SCHIP1: variants seen among roughly 807,000 people sequenced by gnomAD.
SCHIP1 encodes the protein schwannomin interacting protein 1.
Under a neutral mutation model 29.7 loss-of-function variants are expected in SCHIP1, and 8 were observed. The ratio of observed to expected loss-of-function variants is 0.27; its 90% CI spans 0.16 to 0.49. SCHIP1 has a LOEUF of 0.49. Among genes scored for constraint, SCHIP1 ranks in the 20% least tolerant of loss-of-function variants. The pLI is 0.99. For missense variants in SCHIP1, 193 were observed against 294.6 expected, an observed-to-expected ratio of 0.66 and a Z score of 2.52; for synonymous variants, 76 against 94.9, an observed-to-expected ratio of 0.80 and a Z score of 1.16.
chr3:159,736,774 G>A, the SCHIP1 span, among the ~76,000 whole-genome samples: 2 of 148,464 alleles, frequency 1.3e-5, no homozygotes, highest in African/African-American at 2.5e-5. Context: ...TCGCTCTGTC[G>A]CCCAGGCTGA....
At chr3:159,691,816 A>G in the SCHIP1 span, among the ~76,000 whole-genome samples, 10 of 152,046 alleles carry the variant, frequency 6.6e-5, no homozygotes, top group African/African-American at 2.4e-4. Context: ...ATCCCTCAGC[A>G]TTTGCTTGTC....
the SCHIP1 span, among the ~76,000 whole-genome samples, chr3:159,563,092 G>A: frequency 4.6e-5 from 7 of 152,070 alleles, no homozygotes; most frequent in Non-Finnish European, 7.4e-5. Flanking sequence ...CAGGAGAGAG[G>A]AAAAAGAAAA....
chr3:159,730,226 A>T, the SCHIP1 span, among the ~76,000 whole-genome samples: 1 of 152,212 alleles, frequency 6.6e-6, no homozygotes, highest in Non-Finnish European at 1.5e-5. Context: ...GCAAAGAATG[A>T]TGCTAAGACT....
chr3:159,594,150 T>C, the SCHIP1 span, among the ~76,000 whole-genome samples: 21 of 152,226 alleles, frequency 1.4e-4, no homozygotes, highest in South Asian at 6.2e-4. Flanking sequence ...TGTCAAAGTA[T>C]GGCTAGATCA....
At chr3:159,316,404 C>T in the SCHIP1 span, among the ~76,000 whole-genome samples, 2 of 152,054 alleles carry the variant, frequency 1.3e-5, no homozygotes, top group Admixed American at 6.6e-5. Flanking sequence ...CACATTTTTC[C>T]GCCTGCTTAT....
chr3:159,813,760 G>T, the SCHIP1 span, among the ~76,000 whole-genome samples: 8 of 152,116 alleles, frequency 5.3e-5, no homozygotes, highest in Admixed American at 5.2e-4. Flanking sequence ...CTCTATATCT[G>T]TATTGATTAT....
the SCHIP1 span, among the ~76,000 whole-genome samples, chr3:159,515,139 C>T: frequency 4.0e-3 from 609 of 152,076 alleles, 6 homozygotes; most frequent in South Asian, 0.021. Flanking sequence ...CTCAAAACTT[C>T]TGTCTCTCCT....
At chr3:159,380,857 A>G in the SCHIP1 span, among the ~76,000 whole-genome samples, 1 of 152,300 alleles carries the variant, frequency 6.6e-6, no homozygotes, top group East Asian at 1.9e-4. Context: ...AGTTTTTATC[A>G]TATCATACTG....
chr3:159,707,406 T>C, the SCHIP1 span, among the ~76,000 whole-genome samples: 1 of 152,180 alleles, frequency 6.6e-6, no homozygotes, highest in Non-Finnish European at 1.5e-5. Flanking sequence ...AATATATATT[T>C]CACAGGGTTA....
the SCHIP1 span, among the ~76,000 whole-genome samples, chr3:159,541,381 A>C: frequency 6.6e-6 from 1 of 152,096 alleles, no homozygotes; most frequent in African/African-American, 2.4e-5. Context: ...TTTATGGGAG[A>C]TGTGCAGTTG....
chr3:159,380,893 C>T, the SCHIP1 span, among the ~76,000 whole-genome samples: 3 of 152,136 alleles, frequency 2.0e-5, no homozygotes, highest in Non-Finnish European at 4.4e-5. Flanking sequence ...CAGTGGACCA[C>T]GCTCTAGTAA....
At chr3:159,828,426 T>TACACAC in the SCHIP1 span, among the ~76,000 whole-genome samples, 61 of 105,040 alleles carry the variant, frequency 5.8e-4, 8 homozygotes, top group African/African-American at 1.8e-3. Flanking sequence ...TACGTATATA[T>TACACAC]ATACGTATAT....
At chr3:159,471,584 AC>A in the SCHIP1 span, among the ~76,000 whole-genome samples, 1 of 152,166 alleles carries the variant, frequency 6.6e-6, no homozygotes, top group Non-Finnish European at 1.5e-5. Flanking sequence ...AATATACATT[AC>A]CATACAAATA....
chr3:159,277,663 T>C, the SCHIP1 span, among the ~76,000 whole-genome samples: 1 of 145,000 alleles, frequency 6.9e-6, no homozygotes, highest in Non-Finnish European at 1.6e-5. Context: ...GGCTCACGAC[T>C]GTAACCCCAG....
the SCHIP1 span, among the ~76,000 whole-genome samples, chr3:159,678,637 C>T: frequency 8.5e-5 from 13 of 152,256 alleles, no homozygotes; most frequent in African/African-American, 2.6e-4. Flanking sequence ...ATCGGATCAA[C>T]GGCACTAGCT....
At chr3:159,811,476 G>GT in the SCHIP1 span, among the ~76,000 whole-genome samples, 3 of 152,152 alleles carry the variant, frequency 2.0e-5, no homozygotes, top group African/African-American at 7.2e-5. Context: ...ATAGTGTGAG[G>GT]TATCTAAATT....
chr3:159,544,885 A>G, the SCHIP1 span, among the ~76,000 whole-genome samples: 1 of 152,200 alleles, frequency 6.6e-6, no homozygotes, highest in African/African-American at 2.4e-5. Context: ...CATATATGGT[A>G]TCTTTTGTTT....
At chr3:159,616,252 C>G in the SCHIP1 span, among the ~76,000 whole-genome samples, 1 of 152,210 alleles carries the variant, frequency 6.6e-6, no homozygotes, top group Non-Finnish European at 1.5e-5. Context: ...GCATGTGCCA[C>G]CATGCCCAAC....
At chr3:159,675,027 C>A in the SCHIP1 span, among the ~76,000 whole-genome samples, 1 of 152,344 alleles carries the variant, frequency 6.6e-6, no homozygotes, top group African/African-American at 2.4e-5. Flanking sequence ...AGGCCACAGA[C>A]TGGTTTGTGC....
Sources: allele counts gnomAD v4.1 joint callset (sites outside exome capture counted in the v4.1 genomes callset), GRCh38; gene constraint gnomAD v4.1.1; transcripts MANE v1.5; gene names NCBI Gene and HGNC (gene_info 2026-07-23, HGNC 2026-07-21).